NTM: variants seen among roughly 807,000 people sequenced by gnomAD.
The protein encoded by NTM is neurotrimin, also known as IgLON family member 2.
Under a neutral mutation model 42.1 loss-of-function variants are expected in NTM, and 13 were observed. The ratio of observed to expected loss-of-function variants is 0.31; its 90% CI spans 0.20 to 0.49. The LOEUF (loss-of-function observed/expected upper bound fraction) is 0.49. Among genes scored for constraint, NTM ranks in the 20% least tolerant of loss-of-function variants. The probability of loss-of-function intolerance (pLI) is 0.99; values close to 1 mark genes in which losing one functional copy is unlikely to be tolerated. For missense variants in NTM, 373 were observed against 452.8 expected (o/e 0.82, Z 1.60); for synonymous variants, 187 against 179.2 (o/e 1.04, Z -0.35).
At chr11:131,658,332 A>G (rs1176739130) in intron 1 of NTM, among the ~76,000 whole-genome samples, 2 of 152,200 alleles carry the variant, frequency 1.3e-5, no homozygotes, top group Non-Finnish European at 2.9e-5. Context: ...CATAAACTTT[A>G]TTTTTGGAGC....
At chr11:131,521,065 C>G (rs548917911) in intron 1 of NTM, among the ~76,000 whole-genome samples, 3 of 151,968 alleles carry the variant, frequency 2.0e-5, no homozygotes, top group African/African-American at 7.3e-5. Context: ...TGGCTCATGC[C>G]TGTAATCCTG....
In NTM at chr11:131,966,857, G is replaced by T. The variant is rs78738639; in HGVS notation, c.167+55209G>T. 6.1e-3 allele frequency among the ~76,000 whole-genome samples: 931 copies of T among 152,328 alleles called. 9 individuals are homozygous for T. Among genetic ancestry groups the T allele is most frequent in the African/African-American group, 0.022 (896 of 41,572 alleles). ...GGACAGACATGGTGGCAAGTGGTCA[G>T]ATAGGAAGCTGCTGCTGTTGTCACT... On this transcript the variant is annotated intron_variant, in intron 2 of 8. Coordinates refer to ENST00000683400, the MANE Select transcript of NTM (RefSeq NM_001352005.2).
chr11:131,780,505 G>A lies in NTM; in HGVS notation c.83-131059G>A, dbSNP rs1185337011. Among the ~76,000 whole-genome samples the A allele has an allele frequency of 2.0e-5, 3 of 152,122 alleles. No individual in the cohort carries two copies. The South Asian group carries it at 6.2e-4, about 32-fold the overall frequency. ...GGAAGAAGTGGGTGTATGGGTCTGA[G>A]ATCACTAGGAGAATCTGGTTCATTA... On this transcript the variant is annotated intron_variant, in intron 1 of 8. Coordinates refer to ENST00000683400, the MANE Select transcript of NTM (RefSeq NM_001352005.2).
chr11:132,215,495 G>A (rs1054621737), intron 4 of NTM, among the ~76,000 whole-genome samples: 1 of 152,124 alleles, frequency 6.6e-6, no homozygotes, highest in African/African-American at 2.4e-5. Context: ...TATTTTAGAC[G>A]TGGCTCATAC....
At chr11:131,639,767 C>T (rs1341639422) in intron 1 of NTM, among the ~76,000 whole-genome samples, 5 of 152,008 alleles carry the variant, frequency 3.3e-5, no homozygotes, top group Admixed American at 2.6e-4. Flanking sequence ...ACCAGCCTGG[C>T]CAACATGGTG....
At chr11:132,220,918 A>G (rs1480571162) in intron 4 of NTM, among the ~76,000 whole-genome samples, 2 of 152,172 alleles carry the variant, frequency 1.3e-5, no homozygotes, top group Non-Finnish European at 2.9e-5. Context: ...ACCAGCACCC[A>G]TAAGAGTCAG....
chr11:131,787,087 C>A (rs949399741), intron 1 of NTM, among the ~76,000 whole-genome samples: 8 of 152,088 alleles, frequency 5.3e-5, no homozygotes, highest in African/African-American at 1.9e-4. Flanking sequence ...AAACTAAACT[C>A]ATTAAGGTAA....
In NTM at chr11:131,795,987, C is replaced by T. The variant is rs1470178518; in HGVS notation, c.83-115577C>T. ...ATGGGAGGAAGGGAAAAAGGTGTTT[C>T]AGATTGAAGAAGTTGTGTGCAGGGG... On this transcript the variant is annotated intron_variant, in intron 1 of 8. Transcript: ENST00000683400. 10 of 985,008 alleles carry T rather than the reference C, an allele frequency of 1.0e-5. No homozygotes were observed. The Admixed American group carries it at 6.2e-4, about 61-fold the overall frequency. The allele number at this position is 985,008 out of a possible 1,614,324, so 61.0% of individuals were successfully genotyped here. A position where few individuals can be genotyped will look rare whatever the true frequency, so the allele number is the denominator to read the frequency against.
chr11:131,691,683 G>C (rs1024992656), intron 1 of NTM, among the ~76,000 whole-genome samples: 1 of 152,082 alleles, frequency 6.6e-6, no homozygotes, highest in Non-Finnish European at 1.5e-5. Flanking sequence ...CAGCCACCCC[G>C]CGCTCCCGCT....
chr11:131,822,970 G>A (rs1021942653), intron 1 of NTM, among the ~76,000 whole-genome samples: 6 of 151,736 alleles, frequency 4.0e-5, no homozygotes, highest in East Asian at 1.9e-4. Context: ...CCTTCCTTCT[G>A]TCTCCCTCCC....
At chr11:131,626,800 C>T (rs978892228) in intron 1 of NTM, among the ~76,000 whole-genome samples, 1 of 152,212 alleles carries the variant, frequency 6.6e-6, no homozygotes, top group Admixed American at 6.5e-5. Flanking sequence ...GATTGCCATC[C>T]TCTGCTTCTT....
intron 1 of NTM, among the ~76,000 whole-genome samples, chr11:131,631,862 T>A (rs2137782815): frequency 6.6e-6 from 1 of 152,364 alleles, no homozygotes; most frequent in African/African-American, 2.4e-5. Flanking sequence ...AACACTGCTC[T>A]AATATCATCT....
rs566674623 is a variant in NTM at position 131,401,738 on chromosome 11, A to G, written c.82+30850A>G. ...GAATTTCCTCCAGATAAATTTTACC[A>G]TTGAAAACTTCTTCATTACCCCATA... On this transcript the variant is annotated intron_variant, in intron 1 of 8. Transcript: ENST00000683400. Among the ~76,000 whole-genome samples, 32 of 136,562 alleles carry G rather than the reference A, an allele frequency of 2.3e-4. 1 individual carries two copies. In the South Asian group the frequency reaches 6.8e-3, roughly 29 times the overall value. 89.6% of individuals were successfully genotyped at this position (136,562 alleles called of 152,430 possible).
chr11:131,449,966 G>T (rs776361197), intron 1 of NTM, among the ~76,000 whole-genome samples: 1 of 152,094 alleles, frequency 6.6e-6, no homozygotes, highest in Non-Finnish European at 1.5e-5. Context: ...CATTGGATTA[G>T]GAGACCTGGA....
intron 3 of NTM, among the ~76,000 whole-genome samples, chr11:132,179,179 A>T (rs1278167083): frequency 6.6e-6 from 1 of 152,204 alleles, no homozygotes; most frequent in Admixed American, 6.5e-5. Flanking sequence ...AACAAAAAAG[A>T]GGATCAAAAC....
At chr11:132,172,360 C>A (rs1285600903) in intron 3 of NTM, among the ~76,000 whole-genome samples, 1 of 152,138 alleles carries the variant, frequency 6.6e-6, no homozygotes, top group African/African-American at 2.4e-5. Flanking sequence ...TAGTTCTTCT[C>A]ATCTACCTCA....
chr11:131,819,814 C>T (rs1473645006), intron 1 of NTM, among the ~76,000 whole-genome samples: 1 of 152,166 alleles, frequency 6.6e-6, no homozygotes, highest in Non-Finnish European at 1.5e-5. Context: ...TTAGAATTTT[C>T]CTGTGTGTCT....
intron 1 of NTM, among the ~76,000 whole-genome samples, chr11:131,781,996 T>C (rs2088234039): frequency 6.6e-6 from 1 of 152,204 alleles, no homozygotes. Flanking sequence ...GGAGGACTCC[T>C]GGAATTCATT....
intron 1 of NTM, among the ~76,000 whole-genome samples, chr11:131,677,845 A>G (rs2071700949): frequency 6.6e-6 from 1 of 152,162 alleles, no homozygotes; most frequent in African/African-American, 2.4e-5. Flanking sequence ...CACTCCTCCT[A>G]TGCCATCCTT....
Sources: allele counts gnomAD v4.1 joint callset (sites outside exome capture counted in the v4.1 genomes callset), GRCh38; gene constraint gnomAD v4.1.1; transcripts MANE v1.5; gene names NCBI Gene and HGNC (gene_info 2026-07-23, HGNC 2026-07-21).